PAFAH1B2: variants seen among roughly 807,000 people sequenced by gnomAD.
PAFAH1B2 encodes platelet activating factor acetylhydrolase 1b catalytic subunit 2, also known as platelet-activating factor acetylhydrolase IB subunit alpha2.
A neutral mutation model predicts 28.0 loss-of-function variants in PAFAH1B2; 8 were observed. That is an observed-to-expected ratio of 0.29 (90% CI 0.17 to 0.52). PAFAH1B2 has a LOEUF of 0.52. Among genes scored for constraint, PAFAH1B2 ranks in the 20% least tolerant of loss-of-function variants. The probability of loss-of-function intolerance (pLI) is 0.97; values close to 1 mark genes in which losing one functional copy is unlikely to be tolerated. For missense variants in PAFAH1B2, 190 were observed against 282.6 expected, an observed-to-expected ratio of 0.67 and a Z score of 2.35; for synonymous variants, 104 against 103.2, an observed-to-expected ratio of 1.01 and a Z score of -0.05.
At chr11:117,145,369 G>T (rs544597610) in intron 1 of PAFAH1B2, among the ~76,000 whole-genome samples, 2 of 152,212 alleles carry the variant, frequency 1.3e-5, no homozygotes, top group South Asian at 2.1e-4. Flanking sequence ...GAGCTTACCC[G>T]TAGAGAAAGG....
At position 117,168,065 on chromosome 11, in the gene PAFAH1B2, T is replaced by C; in HGVS notation, c.*366T>C. The C allele has an allele frequency of 9.4e-7, 1 of 1,058,910 alleles. No homozygotes were observed. Among genetic ancestry groups the C allele is most frequent in the Non-Finnish European group, 1.1e-6 (1 of 874,496 alleles). 65.6% of individuals were successfully genotyped at this position (1,058,910 alleles called of 1,614,324 possible). A position where few individuals can be genotyped will look rare whatever the true frequency, so the allele number is the denominator to read the frequency against. On this transcript the variant is annotated 3_prime_UTR_variant, in exon 6 of 6. Coordinates refer to ENST00000527958, the MANE Select transcript of PAFAH1B2 (RefSeq NM_002572.4). ...TGGCCTTTCTGTGGATTATGTCATA[T>C]ATAATAATTATCAGAATCATTCTAC...
downstream of PAFAH1B2, chr11:117,175,968 T>C: frequency 1.3e-6 from 2 of 1,516,766 alleles, no homozygotes; most frequent in Non-Finnish European, 1.8e-6. Flanking sequence ...ACTGAGGAAA[T>C]CCTACACTGA....
At chr11:117,161,403 G>A (rs773413420) in intron 4 of PAFAH1B2, 142 bp downstream of exon 4, 4 of 527,768 alleles carry the variant, frequency 7.6e-6, no homozygotes, top group Non-Finnish European at 9.9e-6. Context: ...AAATGATACT[G>A]TCATTGCTTG....
At chr11:117,173,308 C>G (rs943698669), downstream of PAFAH1B2, among the ~76,000 whole-genome samples, 1 of 152,188 alleles carries the variant, frequency 6.6e-6, no homozygotes, top group Non-Finnish European at 1.5e-5. Flanking sequence ...GTACTGCCCA[C>G]TTGGTCAGAG....
At chr11:117,176,012 C>T, downstream of PAFAH1B2, 1 of 1,168,514 alleles carries the variant, frequency 8.6e-7, no homozygotes. Flanking sequence ...GCATGGAGGG[C>T]TCATGATGAA....
chr11:117,170,254 C>G lies in PAFAH1B2; in HGVS notation c.*2555C>G. 9.4e-7 allele frequency: 1 copy of G among 1,061,690 alleles called. No homozygotes were observed. The highest frequency in any genetic ancestry group is 1.1e-6 in the Non-Finnish European group (1 of 877,352). 65.8% of individuals were successfully genotyped at this position (1,061,690 alleles called of 1,614,324 possible). A position where few individuals can be genotyped will look rare whatever the true frequency, so the allele number is the denominator to read the frequency against. On this transcript the variant is annotated 3_prime_UTR_variant, in exon 6 of 6. Coordinates refer to ENST00000527958, the MANE Select transcript of PAFAH1B2 (RefSeq NM_002572.4). ...TGTCCAAGTGAAATGTCCTAGTTGT[C>G]ATTGTGATTAAGGGGCCAACTTTCC...
chr11:117,152,569 C>G, intron 2 of PAFAH1B2, 41 bp downstream of exon 2: 1 of 1,396,338 alleles, frequency 7.2e-7, no homozygotes, highest in Non-Finnish European at 1.0e-6. Flanking sequence ...TGAGTTGAGT[C>G]TCCAGTTTTT....
chr11:117,174,799 G>C (rs1956744424), downstream of PAFAH1B2: 2 of 714,626 alleles, frequency 2.8e-6, no homozygotes, highest in Non-Finnish European at 4.4e-6. Context: ...ATTTTTAGTA[G>C]AGACGGGCTT....
chr11:117,149,699 T>G (rs1956104678), intron 1 of PAFAH1B2, among the ~76,000 whole-genome samples: 1 of 151,920 alleles, frequency 6.6e-6, no homozygotes, highest in Admixed American at 6.6e-5. Context: ...CCCAAAGTGC[T>G]GGGATTACAG....
downstream of PAFAH1B2, chr11:117,175,164 G>A (rs1159795902): frequency 9.5e-6 from 11 of 1,161,440 alleles, no homozygotes; most frequent in Admixed American, 1.4e-4. Context: ...TGAGGGCCAC[G>A]GTTAGGGTTG....
downstream of PAFAH1B2, chr11:117,175,294 C>T: frequency 9.3e-7 from 1 of 1,073,258 alleles, no homozygotes; most frequent in Non-Finnish European, 1.1e-6. Context: ...TGAGACACAC[C>T]ACTGCCTTTT....
In PAFAH1B2 at chr11:117,170,463, T is replaced by C. The variant is rs1956626199; in HGVS notation, c.*2764T>C. ...TGATCTAGGGCAGGCTGTCTTCCAGTCCATGTGTTCTCGGTCGCCGTAGAC... is the reference window on the plus strand; with the variant it reads ...TGATCTAGGGCAGGCTGTCTTCCAGCCCATGTGTTCTCGGTCGCCGTAGAC... On this transcript the variant is annotated 3_prime_UTR_variant, in exon 6 of 6. Transcript: ENST00000527958. 1.9e-6 allele frequency: 2 copies of C among 1,059,832 alleles called. No homozygotes were observed. Among genetic ancestry groups the C allele is most frequent in the African/African-American group, 3.3e-5 (2 of 60,348 alleles). 65.7% of individuals were successfully genotyped at this position (1,059,832 alleles called of 1,614,324 possible).
At chr11:117,174,164 T>TTGTGTGTGTGTG (rs55735449), downstream of PAFAH1B2, among the ~76,000 whole-genome samples, 4,459 of 138,836 alleles carry the variant, frequency 0.032, 134 homozygotes, top group Middle Eastern at 0.048. Flanking sequence ...TTCATGTCTT[T>TTGTGTGTGTGTG]TGTGTGTGTG....
chr11:117,161,926 AG>A (rs1412380292), intron 4 of PAFAH1B2, among the ~76,000 whole-genome samples: 1 of 152,174 alleles, frequency 6.6e-6, no homozygotes, highest in Non-Finnish European at 1.5e-5. Flanking sequence ...GATTAACTTT[AG>A]GAAGTAATTT....
downstream of PAFAH1B2, chr11:117,175,644 G>C (rs889444411): frequency 3.1e-6 from 4 of 1,273,086 alleles, no homozygotes; most frequent in African/African-American, 6.1e-5. Flanking sequence ...ACTTCATTGT[G>C]CATAGCAAGC....
downstream of PAFAH1B2, among the ~76,000 whole-genome samples, chr11:117,172,373 TATATATATATATATATATATA>T (rs1565278680): frequency 6.6e-3 from 33 of 5,024 alleles, 3 homozygotes; most frequent in African/African-American, 0.014. Context: ...TATATATATA[TATATATATATATATATATATA>T]TATATATATA....
At chr11:117,167,280 A>G in intron 5 of PAFAH1B2, 141 bp from the exon 6 acceptor site, 2 of 872,940 alleles carry the variant, frequency 2.3e-6, no homozygotes, top group Non-Finnish European at 3.3e-6. Context: ...CTTTCATTCA[A>G]AACAGTATTT....
Position 117,169,377 on chromosome 11 carries a change from T to A in PAFAH1B2, c.*1678T>A. 1.9e-6 allele frequency: 2 copies of A among 1,051,340 alleles called. No homozygotes were observed. Among genetic ancestry groups the A allele is most frequent in the Non-Finnish European group, 2.3e-6 (2 of 870,516 alleles). The allele number at this position is 1,051,340 out of a possible 1,614,324, so 65.1% of individuals were successfully genotyped here. ...AACTGGATCTATAGATATTTTGAAC[T>A]GGACCAGGTGGGTATTGAAGTAACC... On this transcript the variant is annotated 3_prime_UTR_variant, in exon 6 of 6. Coordinates refer to ENST00000527958, the MANE Select transcript of PAFAH1B2 (RefSeq NM_002572.4).
intron 2 of PAFAH1B2, among the ~76,000 whole-genome samples, chr11:117,158,640 C>CTTTT (rs11327233): frequency 2.4e-5 from 2 of 81,838 alleles, no homozygotes; most frequent in Non-Finnish European, 5.0e-5. Context: ...AGTTTGTGGG[C>CTTTT]TTTTTTTTTT....
Sources: allele counts gnomAD v4.1 joint callset (sites outside exome capture counted in the v4.1 genomes callset), GRCh38; gene constraint gnomAD v4.1.1; transcripts MANE v1.5; gene names NCBI Gene and HGNC (gene_info 2026-07-23, HGNC 2026-07-21).